The following EDA variants were observed in gnomAD, a reference collection of about 807,000 sequenced individuals.
The protein encoded by EDA is ectodysplasin-A.
EDA carries 2 observed loss-of-function variants against 23.6 expected under a neutral mutation model. The observed-to-expected ratio is 0.08, with a 90% CI of 0.03 to 0.27. The LOEUF is 0.27. Among genes scored for constraint, EDA ranks in the 10% least tolerant of loss-of-function variants. The probability of loss-of-function intolerance (pLI) is 1.00; values close to 1 mark genes in which losing one functional copy is unlikely to be tolerated. For synonymous variants in EDA, 131 were observed against 132.0 expected (o/e 0.99, Z 0.05); for missense variants, 229 against 324.2 (o/e 0.71, Z 2.26).
chrX:69,930,692 A>G (rs372028220), intron 1 of EDA, among the ~76,000 whole-genome samples: 1 of 111,333 alleles, frequency 9.0e-6, no homozygotes, highest in East Asian at 2.8e-4. Flanking sequence ...ATAAGGAAGC[A>G]ATAAATAAGA....
At chrX:69,909,889 A>C (rs1471190695) in intron 1 of EDA, among the ~76,000 whole-genome samples, 1 of 111,667 alleles carries the variant, frequency 9.0e-6, no homozygotes, top group Non-Finnish European at 1.9e-5. Context: ...TCTCTTGTCT[A>C]TAAACGTATA....
chrX:69,682,155 G>A (rs1433547608), intron 1 of EDA, among the ~76,000 whole-genome samples: 14 of 112,325 alleles, frequency 1.2e-4, no homozygotes, highest in Non-Finnish European at 2.3e-4. Flanking sequence ...TCAGGGACCC[G>A]CTTGTGGAGG....
intron 1 of EDA, among the ~76,000 whole-genome samples, chrX:69,700,250 C>T (rs935876952): frequency 2.7e-5 from 3 of 111,046 alleles, no homozygotes; most frequent in African/African-American, 9.8e-5. Context: ...CAAGGGCCTG[C>T]CCAAAATGGT....
chrX:69,915,765 A>C (rs1378009397), intron 1 of EDA, among the ~76,000 whole-genome samples: 7 of 111,098 alleles, frequency 6.3e-5, no homozygotes, highest in African/African-American at 2.3e-4. Flanking sequence ...ACAACTAAAC[A>C]AGCAATAAAA....
intron 1 of EDA, among the ~76,000 whole-genome samples, chrX:69,709,445 A>T (rs1425879411): frequency 8.9e-6 from 1 of 111,788 alleles, no homozygotes; most frequent in East Asian, 2.8e-4. Context: ...TCTCAGCTCT[A>T]ATGTGGCACA....
At chrX:69,699,854 G>C in intron 1 of EDA, among the ~76,000 whole-genome samples, 1 of 110,614 alleles carries the variant, frequency 9.0e-6, no homozygotes, top group Non-Finnish European at 1.9e-5. Flanking sequence ...AGGGTTTAAA[G>C]GCTCATGGAG....
intron 1 of EDA, among the ~76,000 whole-genome samples, chrX:69,931,636 T>C (rs892475562): frequency 3.6e-5 from 4 of 112,148 alleles, no homozygotes; most frequent in African/African-American, 1.3e-4. Flanking sequence ...AAAGCCATAA[T>C]GAGAGACTAC....
intron 1 of EDA, among the ~76,000 whole-genome samples, chrX:69,801,897 G>T (rs191459620): frequency 6.3e-5 from 7 of 111,556 alleles, no homozygotes; most frequent in African/African-American, 2.0e-4. Context: ...CTACACTGCT[G>T]GTGGTAGTGT....
intron 1 of EDA, among the ~76,000 whole-genome samples, chrX:69,913,560 TC>T (rs1300910253): frequency 3.6e-5 from 4 of 112,518 alleles, no homozygotes; most frequent in Non-Finnish European, 7.5e-5. Flanking sequence ...TGATCTTCTA[TC>T]CAGGCCACTA....
chrX:69,955,226 T>A (rs2018982609), intron 1 of EDA, among the ~76,000 whole-genome samples: 1 of 111,961 alleles, frequency 8.9e-6, no homozygotes, highest in Non-Finnish European at 1.9e-5. Flanking sequence ...TTATGTTGAT[T>A]GTATGAGAAA....
intron 2 of EDA, among the ~76,000 whole-genome samples, chrX:69,977,538 A>G (rs2019335258): frequency 8.9e-6 from 1 of 112,365 alleles, no homozygotes; most frequent in South Asian, 3.7e-4. Flanking sequence ...GGTTTATTTT[A>G]TGAAATTAAT....
chrX:70,002,105 G>C (rs746494963), intron 2 of EDA, among the ~76,000 whole-genome samples: 1 of 111,571 alleles, frequency 9.0e-6, no homozygotes, highest in African/African-American at 3.3e-5. Context: ...GAGAGTTCCC[G>C]GTAACAGGAA....
Position 69,910,350 on chromosome X carries a change from G to GGA in EDA, c.397-46653_397-46652dup, listed in dbSNP as rs1181006363. Among the ~76,000 whole-genome samples the GGA allele has an allele frequency of 3.8e-3, 243 of 63,513 alleles. 2 individuals carry two copies. The highest frequency in any genetic ancestry group is 0.033 in the East Asian group (34 of 1,035). 55.2% of individuals were successfully genotyped at this position (63,513 alleles called of 115,157 possible). On this transcript the variant is annotated intron_variant, in intron 1 of 7. Transcript: ENST00000374552. ...GGTTATCTATAATATGCTAGGTAAAGGAGAGAGAGAGAGAGAGAGAGAGAG... is the reference window on the plus strand; with the variant it reads ...GGTTATCTATAATATGCTAGGTAAAGGAGAGAGAGAGAGAGAGAGAGAGAGAG...
At chrX:69,952,038 C>T (rs980245414) in intron 1 of EDA, among the ~76,000 whole-genome samples, 12 of 111,797 alleles carry the variant, frequency 1.1e-4, no homozygotes, top group Admixed American at 9.5e-5. Context: ...AGCTGGAATT[C>T]CAGATATTTT....
chrX:69,783,196 G>A (rs1479252032), intron 1 of EDA, among the ~76,000 whole-genome samples: 1 of 111,320 alleles, frequency 9.0e-6, no homozygotes, highest in African/African-American at 3.3e-5. Context: ...AGTTCTCGCT[G>A]GATTAAATAG....
chrX:69,634,382 G>A lies in EDA; in HGVS notation c.396+17678G>A, dbSNP rs922537100. Among the ~76,000 whole-genome samples, 3 of 111,095 alleles carry A rather than the reference G, an allele frequency of 2.7e-5. No homozygotes were observed. The East Asian group carries it at 8.5e-4, about 32-fold the overall frequency. On this transcript the variant is annotated intron_variant, in intron 1 of 7. Transcript: ENST00000374552. ...GGCGGGAGTGCGGTGGCATGATCTCGGCTCACTGCGACCTCCATCTCCTGG... is the reference window on the plus strand; with the variant it reads ...GGCGGGAGTGCGGTGGCATGATCTCAGCTCACTGCGACCTCCATCTCCTGG...
intron 2 of EDA, among the ~76,000 whole-genome samples, chrX:70,018,135 G>A (rs1284400009): frequency 9.0e-6 from 1 of 111,561 alleles, no homozygotes; most frequent in Non-Finnish European, 1.9e-5. Flanking sequence ...TAGGAATACA[G>A]CTAAACAAGG....
intron 1 of EDA, among the ~76,000 whole-genome samples, chrX:69,863,111 C>T (rs1232639888): frequency 2.7e-5 from 3 of 109,353 alleles, no homozygotes; most frequent in Non-Finnish European, 5.7e-5. Context: ...GGATACTGTC[C>T]TGCCCTCAAA....
At chrX:69,981,586 A>G (rs989915588) in intron 2 of EDA, among the ~76,000 whole-genome samples, 1 of 111,605 alleles carries the variant, frequency 9.0e-6, no homozygotes, top group African/African-American at 3.3e-5. Context: ...GGAAACAACC[A>G]CTACATGGTC....
Sources: gnomAD v4.1 joint callset for allele counts (sites outside exome capture counted in the v4.1 genomes callset) on GRCh38, gnomAD v4.1.1 for gene constraint, MANE v1.5 for transcripts, NCBI Gene and HGNC (gene_info 2026-07-23, HGNC 2026-07-21) for gene names.